MYO3B: variants seen among roughly 807,000 people sequenced by gnomAD.
MYO3B encodes the protein myosin IIIB, also known as myosin-IIIb.
MYO3B carries 156 observed loss-of-function variants against 174.6 expected under a neutral mutation model. The observed-to-expected ratio is 0.89, with a 90% CI of 0.78 to 1.02. MYO3B has a LOEUF of 1.02. Among genes scored for constraint, MYO3B ranks in the 50% least tolerant of loss-of-function variants. The pLI, the probability that MYO3B is intolerant of heterozygous loss-of-function variation, is 0.00. For missense variants in MYO3B, 1,632 were observed against 1,639.4 expected (o/e 1.00, Z 0.08); for synonymous variants, 563 against 569.1 (o/e 0.99, Z 0.15).
intron 6 of MYO3B, among the ~76,000 whole-genome samples, chr2:170,233,976 C>G (rs1166190320): frequency 4.0e-5 from 6 of 151,682 alleles, no homozygotes; most frequent in Non-Finnish European, 8.8e-5. Flanking sequence ...TCGAGACCAT[C>G]CCGGCTATAA....
chr2:170,391,823 C>T (rs549866041), intron 15 of MYO3B, among the ~76,000 whole-genome samples: 1 of 152,018 alleles, frequency 6.6e-6, no homozygotes, highest in South Asian at 2.1e-4. Context: ...TATTTTTTTT[C>T]AGCCATTTGC....
At chr2:170,274,812 G>A (rs11893464) in intron 7 of MYO3B, among the ~76,000 whole-genome samples, 121,475 of 152,010 alleles carry the variant, frequency 0.8, 50,954 homozygotes, top group East Asian at 0.93. Context: ...AGAAAAAAAC[G>A]CAAAGTAAAA....
chr2:170,592,970 A>AG (rs1165938718), intron 32 of MYO3B, among the ~76,000 whole-genome samples: 3 of 152,144 alleles, frequency 2.0e-5, no homozygotes, highest in African/African-American at 2.4e-5. Context: ...CTATAGATAG[A>AG]GATTATATAC....
In MYO3B at chr2:170,387,380, T is replaced by C. The variant is rs1039061862; in HGVS notation, c.1577+72T>C. The C allele has an allele frequency of 2.3e-5, 32 of 1,387,138 alleles. No homozygotes were observed. In the African/African-American group the frequency reaches 4.6e-4, roughly 20 times the overall value. 85.9% of individuals were successfully genotyped at this position (1,387,138 alleles called of 1,614,324 possible). A position where few individuals can be genotyped will look rare whatever the true frequency, so the allele number is the denominator to read the frequency against. On this transcript the variant is annotated intron_variant, in intron 14 of 34. Coordinates refer to ENST00000408978, the MANE Select transcript of MYO3B (RefSeq NM_138995.5). ...TGGGAGACTTTGGAAATTTTAATGG[T>C]TCAGTTTTCATTCTTGTTCTTAACA... is the stretch of plus-strand genomic sequence containing the variant.
At chr2:170,236,276 AG>A in intron 7 of MYO3B, 140 bp downstream of exon 7, 2 of 602,858 alleles carry the variant, frequency 3.3e-6, no homozygotes, top group East Asian at 4.6e-5. Flanking sequence ...TGAAAAAGCA[AG>A]GGGGGCTGGG....
At chr2:170,497,922 G>A (rs1281282919) in intron 25 of MYO3B, among the ~76,000 whole-genome samples, 1 of 138,374 alleles carries the variant, frequency 7.2e-6, no homozygotes. Flanking sequence ...TCTAGCCTGG[G>A]CAACAAGAGT....
chr2:170,420,235 A>G (rs1013541852), intron 22 of MYO3B, among the ~76,000 whole-genome samples: 2 of 152,100 alleles, frequency 1.3e-5, no homozygotes, highest in Admixed American at 6.6e-5. Context: ...AACAAACAAA[A>G]CAAGAATGAA....
chr2:170,288,783 T>C (rs1431565212), intron 7 of MYO3B, among the ~76,000 whole-genome samples: 1 of 152,114 alleles, frequency 6.6e-6, no homozygotes, highest in African/African-American at 2.4e-5. Context: ...GTGGGCATCC[T>C]TGTCTTGTTC....
intron 1 of MYO3B, 60 bp from the exon 2 acceptor site, chr2:170,199,148 A>G: frequency 2.5e-6 from 3 of 1,196,874 alleles, no homozygotes; most frequent in Admixed American, 2.6e-5. Flanking sequence ...TTTTGTTTCA[A>G]AAGTCCACTG....
intron 7 of MYO3B, among the ~76,000 whole-genome samples, chr2:170,246,796 A>T (rs1306600752): frequency 1.3e-5 from 2 of 152,114 alleles, no homozygotes; most frequent in African/African-American, 4.8e-5. Flanking sequence ...TCTAGTTTGG[A>T]GTCCATTGCT....
chr2:170,561,600 C>T (rs1012772093), intron 32 of MYO3B, among the ~76,000 whole-genome samples: 2 of 152,142 alleles, frequency 1.3e-5, no homozygotes, highest in Non-Finnish European at 2.9e-5. Context: ...GATCTGTATC[C>T]CAGGTTAAGA....
intron 7 of MYO3B, among the ~76,000 whole-genome samples, chr2:170,329,407 T>A (rs1410584909): frequency 6.6e-6 from 1 of 151,840 alleles, no homozygotes; most frequent in Non-Finnish European, 1.5e-5. Context: ...TTGGGGATTT[T>A]TTTTTTCTCT....
At chr2:170,626,493 G>T (rs1238067759) in intron 32 of MYO3B, among the ~76,000 whole-genome samples, 1 of 152,166 alleles carries the variant, frequency 6.6e-6, no homozygotes, top group Non-Finnish European at 1.5e-5. Context: ...GATGGGTCTT[G>T]ACTTTTCATC....
chr2:170,178,606 T>C (rs892985518), intron 1 of MYO3B, among the ~76,000 whole-genome samples: 10 of 152,086 alleles, frequency 6.6e-5, no homozygotes, highest in African/African-American at 1.9e-4. Flanking sequence ...AGTCACTTGA[T>C]TTGCCACCTG....
chr2:170,494,377 G>A (rs999576630), intron 25 of MYO3B, among the ~76,000 whole-genome samples: 2 of 151,946 alleles, frequency 1.3e-5, no homozygotes, highest in Admixed American at 6.5e-5. Context: ...ATGAAGCCTT[G>A]GGAAATTTAT....
intron 1 of MYO3B, among the ~76,000 whole-genome samples, chr2:170,187,202 T>C (rs1026839739): frequency 1.3e-5 from 2 of 152,008 alleles, no homozygotes. Context: ...GTAATTTTGG[T>C]TTTGGTTTGC....
chr2:170,281,430 A>G (rs2105393767), intron 7 of MYO3B, among the ~76,000 whole-genome samples: 1 of 152,344 alleles, frequency 6.6e-6, no homozygotes, highest in Middle Eastern at 3.4e-3. Context: ...CTTGGACCAC[A>G]GTGCAATAAA....
intron 32 of MYO3B, among the ~76,000 whole-genome samples, chr2:170,617,396 C>T (rs1695529872): frequency 6.6e-6 from 1 of 152,122 alleles, no homozygotes; most frequent in South Asian, 2.1e-4. Context: ...ACAATTAACA[C>T]AGGTAATTAT....
chr2:170,307,080 A>G (rs578197649), intron 7 of MYO3B, among the ~76,000 whole-genome samples: 138 of 152,080 alleles, frequency 9.1e-4, no homozygotes, highest in Non-Finnish European at 1.6e-3. Context: ...CTACAGAGGT[A>G]AAAAATGAAA....
Sources: gnomAD v4.1 joint callset for allele counts (sites outside exome capture counted in the v4.1 genomes callset) on GRCh38, gnomAD v4.1.1 for gene constraint, MANE v1.5 for transcripts, NCBI Gene and HGNC (gene_info 2026-07-23, HGNC 2026-07-21) for gene names.